The following KLHDC4 variants were observed in gnomAD, a reference collection of about 807,000 sequenced individuals.
KLHDC4 encodes kelch domain-containing protein 4.
In KLHDC4, 90 loss-of-function variants were observed where a neutral mutation model predicts 62.4. The ratio of observed to expected loss-of-function variants is 1.44; its 90% CI spans 1.22 to 1.72. The LOEUF (loss-of-function observed/expected upper bound fraction) is 1.72. Ranked by LOEUF, KLHDC4 falls within the 40% of genes most tolerant of loss-of-function variation. The pLI is 0.00. For synonymous variants in KLHDC4, 386 were observed against 284.4 expected, an observed-to-expected ratio of 1.36 and a Z score of -3.59; for missense variants, 1,025 against 699.7, an observed-to-expected ratio of 1.47 and a Z score of -5.25.
chr16:87,758,637 C>A (rs2045383562), intron 2 of KLHDC4, among the ~76,000 whole-genome samples: 1 of 150,562 alleles, frequency 6.6e-6, no homozygotes. Context: ...TTGTCTCGGG[C>A]CACGCATAAA....
chr16:87,732,072 G>A (rs959695367), intron 5 of KLHDC4, among the ~76,000 whole-genome samples: 10 of 151,182 alleles, frequency 6.6e-5, no homozygotes, highest in Admixed American at 6.6e-5. Context: ...TGTCTGTGGT[G>A]CTAATTACAT....
chr16:87,702,184 C>T, exon 1 of KLHDC4: 1 of 456,346 alleles, frequency 2.2e-6, no homozygotes, highest in Non-Finnish European at 4.4e-6. Flanking sequence ...GACCACCAAC[C>T]TTGACAACCC....
chr16:87,711,417 G>A lies in KLHDC4; in HGVS notation c.862C>T (p.Pro288Ser). Reference sequence around the variant, plus strand: ...CGTGGGGTGGGCTTGACCCCCGAAGGGTTCATCCGAGTCCAAACCCACTTG... The same window carrying A: ...CGTGGGGTGGGCTTGACCCCCGAAGAGTTCATCCGAGTCCAAACCCACTTG... ...EDKWVWTRMN[P>S]SGVKPTPRSG... is the part of the protein sequence containing the mutation. The change falls in exon 9 of 12, where the codon CCT becomes TCT. Residue 288 changes from proline (P) to serine (S), a missense_variant. Pro to Ser is a moderately conservative substitution (Grantham distance 74). Transcript: ENST00000270583. The A allele has an allele frequency of 6.2e-7, 1 of 1,612,342 alleles. No individual in the cohort carries two copies. Among genetic ancestry groups the A allele is most frequent in the Non-Finnish European group, 8.5e-7 (1 of 1,179,772 alleles).
In KLHDC4 at chr16:87,729,883, C is replaced by T. The variant is rs187287754; in HGVS notation, c.599+669G>A. 2.5e-3 allele frequency among the ~76,000 whole-genome samples: 380 copies of T among 152,344 alleles called. 1 individual carries two copies. Among genetic ancestry groups the T allele is most frequent in the Non-Finnish European group, 4.1e-3 (280 of 68,030 alleles). On this transcript the variant is annotated intron_variant, in intron 6 of 11. Coordinates refer to ENST00000270583, the MANE Select transcript of KLHDC4 (RefSeq NM_017566.4). The stretch of plus-strand genomic sequence containing the variant: ...ACTCCAGGCCTCTGACTCAGAGCTG[C>T]GATCAGCACTCTAACCAGCCCTCTA...
intron 1 of KLHDC4, 151 bp from the exon 2 acceptor site, chr16:87,762,191 T>C: frequency 7.0e-7 from 1 of 1,438,742 alleles, no homozygotes; most frequent in Non-Finnish European, 9.1e-7. Context: ...AAATGCAGAG[T>C]TTGACACATT....
rs1316035783 is a variant in KLHDC4 at position 87,708,063 on chromosome 16, G to A, written c.*14C>T. 2 of 557,768 alleles carry A rather than the reference G, an allele frequency of 3.6e-6. No individual in the cohort carries two copies. The highest frequency in any genetic ancestry group is 6.8e-6 in the Non-Finnish European group (2 of 292,964). The allele number at this position is 557,768 out of a possible 1,614,324, so 34.6% of individuals were successfully genotyped here. ...GGCACAGCACTTGCCAGGCGCCCCT[G>A]GCAGGGGCTCTTCTGATACGCAAGG... On this transcript the variant is annotated 3_prime_UTR_variant, in exon 12 of 12. Transcript: ENST00000270583.
chr16:87,762,339 C>T (rs1334978465), intron 1 of KLHDC4, among the ~76,000 whole-genome samples: 2 of 152,220 alleles, frequency 1.3e-5, no homozygotes, highest in South Asian at 2.1e-4. Context: ...TCACTGCAGA[C>T]ACTCTCAGCA....
chr16:87,743,468 C>G (rs9930834), intron 5 of KLHDC4, among the ~76,000 whole-genome samples: 100,912 of 151,982 alleles, frequency 0.66, 34,194 homozygotes, highest in African/African-American at 0.82. Flanking sequence ...GGCCAGGCGC[C>G]GTGGCTCATG....
chr16:87,752,089 C>CAAAAAA (rs1173625123), intron 4 of KLHDC4, among the ~76,000 whole-genome samples: 347 of 29,256 alleles, frequency 0.012, 19 homozygotes, highest in African/African-American at 0.019. Context: ...GACTTTGTCT[C>CAAAAAA]AAAAAAAAAA....
chr16:87,763,936 C>T (rs559927185), intron 1 of KLHDC4, among the ~76,000 whole-genome samples: 6 of 152,302 alleles, frequency 3.9e-5, no homozygotes, highest in Non-Finnish European at 8.8e-5. Flanking sequence ...ACACAACTTG[C>T]CATGTTTGAG....
chr16:87,765,949 C>G lies in KLHDC4; in HGVS notation c.-59G>C. 6.7e-7 allele frequency: 1 copy of G among 1,503,518 alleles called. No individual in the cohort carries two copies. Among genetic ancestry groups the G allele is most frequent in the South Asian group, 1.2e-5 (1 of 82,992 alleles). The allele number at this position is 1,503,518 out of a possible 1,614,324, so 93.1% of individuals were successfully genotyped here. ...GAAAGAAAACGGCCCGCGCTCTCCG[C>G]TCGGAAACAGGTGCTCGTGGGGCGG... is the stretch of plus-strand genomic sequence containing the variant. On this transcript the variant is annotated 5_prime_UTR_variant, in exon 1 of 12. Coordinates refer to ENST00000270583, the MANE Select transcript of KLHDC4 (RefSeq NM_017566.4).
chr16:87,749,185 C>T (rs2043506383), intron 4 of KLHDC4, among the ~76,000 whole-genome samples: 1 of 151,938 alleles, frequency 6.6e-6, no homozygotes. Flanking sequence ...AAGCTGTCTG[C>T]CTGCTCTCGT....
chr16:87,750,285 T>C (rs970808290), intron 4 of KLHDC4: 1 of 152,274 alleles, frequency 6.6e-6, no homozygotes, highest in Non-Finnish European at 1.5e-5. Context: ...AGCACGCTCC[T>C]AGGCAGTCTG....
chr16:87,763,866 A>G (rs2046232302), intron 1 of KLHDC4, among the ~76,000 whole-genome samples: 1 of 152,320 alleles, frequency 6.6e-6, no homozygotes, highest in East Asian at 1.9e-4. Flanking sequence ...AGTGACAATA[A>G]GCTGAATGCT....
rs563341965 is a variant in KLHDC4 at position 87,718,566 on chromosome 16, G to A, written c.760-3993C>T. ...TGCTGGAGTGCAGTGGCGTGATCTC[G>A]GCTCGCTACAACCCCCACCTCCCAG... On this transcript the variant is annotated intron_variant, in intron 7 of 11. Transcript: ENST00000270583. 8.6e-5 allele frequency among the ~76,000 whole-genome samples: 13 copies of A among 151,752 alleles called. No individual in the cohort carries two copies. In the South Asian group the frequency reaches 2.1e-3, roughly 24 times the overall value.
intron 5 of KLHDC4, chr16:87,747,757 C>T (rs945699931): frequency 2.7e-4 from 41 of 152,320 alleles, no homozygotes; most frequent in African/African-American, 9.9e-4. Flanking sequence ...CCTGACAAGG[C>T]TCACTGCAAT....
At chr16:87,741,360 G>C (rs899567720) in intron 5 of KLHDC4, among the ~76,000 whole-genome samples, 2 of 152,204 alleles carry the variant, frequency 1.3e-5, no homozygotes, top group Non-Finnish European at 2.9e-5. Flanking sequence ...CAGGAGGTGA[G>C]GGGGCCAGCA....
chr16:87,745,714 G>A (rs922784593), intron 5 of KLHDC4, among the ~76,000 whole-genome samples: 3 of 152,304 alleles, frequency 2.0e-5, no homozygotes, highest in African/African-American at 7.2e-5. Context: ...GCAGGCTGAG[G>A]CCATGGGGAC....
intron 5 of KLHDC4, among the ~76,000 whole-genome samples, chr16:87,746,303 A>AAG (rs956177455): frequency 6.6e-6 from 1 of 151,694 alleles, no homozygotes; most frequent in African/African-American, 2.4e-5. Flanking sequence ...AGGAAGGAGA[A>AAG]AGAGAGAGAG....
Sources: allele counts gnomAD v4.1 joint callset (sites outside exome capture counted in the v4.1 genomes callset), GRCh38; gene constraint gnomAD v4.1.1; transcripts MANE v1.5; gene names NCBI Gene and HGNC (gene_info 2026-07-23, HGNC 2026-07-21).